The following ATG10 variants were observed in gnomAD, a reference collection of about 807,000 sequenced individuals.
ATG10 encodes autophagy related 10, also known as ubiquitin-like-conjugating enzyme ATG10.
In ATG10, 30 loss-of-function variants were observed where a neutral mutation model predicts 32.1. The observed-to-expected ratio is 0.94, with a 90% CI of 0.70 to 1.27. The LOEUF is 1.27. Among genes scored for constraint, ATG10 ranks in the 50% most tolerant of loss-of-function variants. The pLI is 0.00. For missense variants in ATG10, 233 were observed against 262.3 expected, an observed-to-expected ratio of 0.89 and a Z score of 0.77; for synonymous variants, 87 against 91.5, an observed-to-expected ratio of 0.95 and a Z score of 0.28.
intron 2 of ATG10, among the ~76,000 whole-genome samples, chr5:82,042,420 A>G (rs995462370): frequency 1.3e-5 from 2 of 152,186 alleles, no homozygotes; most frequent in Non-Finnish European, 2.9e-5. Context: ...GGGCGGGGAT[A>G]CAAATCTAAA....
chr5:82,090,538 A>T (rs993028992), intron 3 of ATG10, among the ~76,000 whole-genome samples: 1 of 152,230 alleles, frequency 6.6e-6, no homozygotes, highest in African/African-American at 2.4e-5. Context: ...CCATTTATAT[A>T]ACATTTTTAA....
intron 5 of ATG10, among the ~76,000 whole-genome samples, chr5:82,202,461 G>A (rs1745105479): frequency 6.6e-6 from 1 of 152,152 alleles, no homozygotes; most frequent in Admixed American, 6.5e-5. Context: ...CCGCAATCAT[G>A]TTAGCCAGTT....
intron 1 of ATG10, among the ~76,000 whole-genome samples, chr5:81,983,883 G>A (rs188469374): frequency 3.0e-3 from 450 of 151,150 alleles, no homozygotes; most frequent in Non-Finnish European, 4.7e-3. Flanking sequence ...GGGCAGAGGC[G>A]CTCCCCACAT....
At chr5:82,201,455 A>C (rs951735740) in intron 5 of ATG10, among the ~76,000 whole-genome samples, 1 of 152,100 alleles carries the variant, frequency 6.6e-6, no homozygotes, top group Non-Finnish European at 1.5e-5. Context: ...AAATCAATTG[A>C]CCATATTTGA....
At chr5:82,252,704 A>G in intron 6 of ATG10, 45 bp downstream of exon 6, 1 of 1,157,392 alleles carries the variant, frequency 8.6e-7, no homozygotes, top group Non-Finnish European at 1.3e-6. Context: ...TCTGATTTTA[A>G]AAGTGTAAAT....
intron 4 of ATG10, among the ~76,000 whole-genome samples, chr5:82,173,083 C>G (rs1035458314): frequency 1.3e-5 from 2 of 152,040 alleles, no homozygotes; most frequent in Non-Finnish European, 2.9e-5. Context: ...CTTTTTATTT[C>G]TAATGGCCAC....
intron 1 of ATG10, among the ~76,000 whole-genome samples, chr5:81,974,913 GC>G (rs1202632923): frequency 6.6e-6 from 1 of 152,128 alleles, no homozygotes; most frequent in East Asian, 1.9e-4. Context: ...CACTGCCACT[GC>G]CCCATCCCTT....
At chr5:82,113,732 A>G (rs995157466) in intron 3 of ATG10, among the ~76,000 whole-genome samples, 18 of 151,862 alleles carry the variant, frequency 1.2e-4, no homozygotes, top group African/African-American at 3.6e-4. Flanking sequence ...TTTGACTTGT[A>G]TTTGTTTGAT....
intron 3 of ATG10, among the ~76,000 whole-genome samples, chr5:82,129,110 G>A: frequency 6.6e-6 from 1 of 151,368 alleles, no homozygotes; most frequent in East Asian, 2.0e-4. Flanking sequence ...TTCAATCTCT[G>A]ATATCCTTTC....
chr5:81,987,708 CAAA>C, intron 2 of ATG10, 30 bp downstream of exon 2: 1 of 1,531,790 alleles, frequency 6.5e-7, no homozygotes, highest in Non-Finnish European at 8.9e-7. Flanking sequence ...TTTTCTGTCT[CAAA>C]AGAGGATTTT....
chr5:82,148,494 A>G (rs918449996), intron 3 of ATG10, among the ~76,000 whole-genome samples: 2 of 152,110 alleles, frequency 1.3e-5, no homozygotes, highest in African/African-American at 2.4e-5. Flanking sequence ...CTTTTTCTCT[A>G]CTGACTCATT....
At chr5:82,217,545 C>A (rs922678899) in intron 5 of ATG10, among the ~76,000 whole-genome samples, 2 of 151,904 alleles carry the variant, frequency 1.3e-5, no homozygotes, top group Non-Finnish European at 2.9e-5. Context: ...CCACATGAAT[C>A]TTTTGTGACA....
intron 5 of ATG10, among the ~76,000 whole-genome samples, chr5:82,180,885 TTGTTC>T (rs1342150611): frequency 6.6e-6 from 1 of 152,158 alleles, no homozygotes; most frequent in Non-Finnish European, 1.5e-5. Context: ...CCACGTGTCT[TTGTTC>T]TGACCCATGA....
At chr5:82,188,809 T>C (rs75961266) in intron 5 of ATG10, among the ~76,000 whole-genome samples, 1 of 148,668 alleles carries the variant, frequency 6.7e-6, no homozygotes, top group East Asian at 1.9e-4. Context: ...TTGTTTTATC[T>C]TTTTTTTTTG....
chr5:82,224,198 G>A (rs984612579), intron 5 of ATG10, among the ~76,000 whole-genome samples: 2 of 152,110 alleles, frequency 1.3e-5, no homozygotes, highest in Non-Finnish European at 2.9e-5. Flanking sequence ...TGTGATTAGG[G>A]GCAGTCTGAT....
chr5:82,138,880 T>TCCCC (rs1766899784), intron 3 of ATG10, among the ~76,000 whole-genome samples: 2 of 31,332 alleles, frequency 6.4e-5, no homozygotes, highest in African/African-American at 1.5e-4. Context: ...CCCCTCCCCC[T>TCCCC]CTCCCTCTCC....
chr5:82,253,273 A>G (rs1336974408), intron 6 of ATG10, 41 bp from the exon 7 acceptor site: 4 of 1,374,286 alleles, frequency 2.9e-6, no homozygotes, highest in East Asian at 2.3e-5. Flanking sequence ...AAAAACTACA[A>G]TGGAAACGTT....
intron 2 of ATG10, among the ~76,000 whole-genome samples, chr5:82,002,667 A>T (rs1271056013): frequency 1.3e-5 from 2 of 152,206 alleles, no homozygotes; most frequent in Non-Finnish European, 2.9e-5. Context: ...GAGGAGGGTG[A>T]GGATCCGGAA....
At chr5:82,101,631 T>TAAAGAGA (rs1471090030) in intron 3 of ATG10, among the ~76,000 whole-genome samples, 3 of 152,184 alleles carry the variant, frequency 2.0e-5, no homozygotes, top group African/African-American at 7.2e-5. Flanking sequence ...TTTTACTAAA[T>TAAAGAGA]ATAGAGAAGA....
Sources: gnomAD v4.1 joint callset for allele counts (sites outside exome capture counted in the v4.1 genomes callset) on GRCh38, gnomAD v4.1.1 for gene constraint, MANE v1.5 for transcripts, NCBI Gene and HGNC (gene_info 2026-07-23, HGNC 2026-07-21) for gene names.